The following STRADA variants were observed in gnomAD, a reference collection of about 807,000 sequenced individuals.
STRADA encodes STE20-related kinase adapter protein alpha.
A neutral mutation model predicts 55.0 loss-of-function variants in STRADA; 26 were observed. The ratio of observed to expected loss-of-function variants is 0.47; its 90% confidence interval spans 0.35 to 0.66. The LOEUF (loss-of-function observed/expected upper bound fraction) is 0.66. STRADA is among the 30% of genes least tolerant of loss of function. STRADA has a pLI of 0.01. For missense variants in STRADA, 443 were observed against 549.7 expected (o/e 0.81, Z 1.94); for synonymous variants, 197 against 210.9 (o/e 0.93, Z 0.57).
chr17:63,740,745 A>G (rs2038882330), intron 1 of STRADA, among the ~76,000 whole-genome samples: 1 of 152,194 alleles, frequency 6.6e-6, no homozygotes, highest in East Asian at 1.9e-4. Context: ...CGCTCTAAAA[A>G]CCAGAGTAAA....
intron 1 of STRADA, among the ~76,000 whole-genome samples, chr17:63,735,613 G>T (rs2144292253): frequency 6.6e-6 from 1 of 152,262 alleles, no homozygotes; most frequent in East Asian, 1.9e-4. Context: ...TAAGGCAAAG[G>T]AATACAAATA....
chr17:63,714,209 AAC>A (rs756942551), intron 4 of STRADA, 101 bp from the exon 5 acceptor site: 9 of 797,676 alleles, frequency 1.1e-5, no homozygotes, highest in Middle Eastern at 2.3e-4. Context: ...CTGGCATCTA[AAC>A]ACACACACAA....
At chr17:63,707,527 T>C in intron 8 of STRADA, 109 bp from the exon 9 acceptor site, 1 of 964,196 alleles carries the variant, frequency 1.0e-6, no homozygotes, top group Non-Finnish European at 1.6e-6. Context: ...GCGTGTGTTA[T>C]ACACGTATAT....
At position 63,730,691 on chromosome 17, in the gene STRADA, G is replaced by A. The variant is rs539970268; in HGVS notation, c.-44-2278C>T. Among the ~76,000 whole-genome samples the A allele has an allele frequency of 8.8e-4, 133 of 151,966 alleles. 2 individuals carry two copies. The highest frequency in any genetic ancestry group is 3.1e-3 in the African/African-American group (129 of 41,466). ...CTGGCTTCAGCCTCCCGAGTTACTG[G>A]GACTATAGGTACGCGCACCACTACA... On this transcript the variant is annotated intron_variant, in intron 1 of 12. Coordinates refer to ENST00000336174, the MANE Select transcript of STRADA (RefSeq NM_001003787.4).
At chr17:63,729,161 A>G (rs1178001634) in intron 1 of STRADA, among the ~76,000 whole-genome samples, 1 of 152,098 alleles carries the variant, frequency 6.6e-6, no homozygotes, top group Admixed American at 6.6e-5. Flanking sequence ...GGGGGTTACC[A>G]CGTGAGCCAC....
chr17:63,705,506 C>G (rs1430218717), intron 10 of STRADA: 1 of 157,834 alleles, frequency 6.3e-6, no homozygotes, highest in African/African-American at 2.4e-5. Flanking sequence ...CCATACCCAC[C>G]TAACTGAGCT....
rs776856899 is a variant in STRADA at position 63,710,603 on chromosome 17, C to A, written c.469G>T (p.Asp157Tyr). 8.7e-6 allele frequency: 14 copies of A among 1,613,938 alleles called. No individual in the cohort carries two copies. Among genetic ancestry groups the A allele is most frequent in the Non-Finnish European group, 1.2e-5 (14 of 1,179,958 alleles). ...TSFMAYGSAKDLICTHFMDGM... is the reference protein window; with the variant it reads ...TSFMAYGSAKYLICTHFMDGM... ...TCCATGAAGTGTGTACAGATGAGAT[C>A]TTTTGCAGAACCTGCAGAAAAGGAT... is the stretch of plus-strand genomic sequence containing the variant. Residue 157 changes from aspartate (D) to tyrosine (Y), a missense_variant, in exon 8 of 13, where the codon GAT (aspartate) becomes TAT (tyrosine). Asp to Tyr is a radical substitution (Grantham distance 160). Transcript: ENST00000336174.
intron 1 of STRADA, among the ~76,000 whole-genome samples, chr17:63,729,741 G>C (rs571648632): frequency 6.6e-6 from 1 of 151,410 alleles, no homozygotes; most frequent in African/African-American, 2.4e-5. Context: ...GTGAGCCAAG[G>C]TCGCGCCACT....
Position 63,704,500 on chromosome 17 carries a change from G to C in STRADA, c.941C>G (p.Pro314Arg). Residue 314 changes from proline to arginine, a missense_variant, in exon 11 of 13, where the codon CCT becomes CGT. Pro to Arg is a moderately radical substitution (Grantham distance 103). Coordinates refer to ENST00000336174, the MANE Select transcript of STRADA (RefSeq NM_001003787.4). ...TIPAEELTMS[P>R]SRSVANSGLS... The stretch of plus-strand genomic sequence containing the variant: ...GCCAGAGTTGGCCACTGAGCGCGAA[G>C]GGCTCATGGTCAGCTCCTCAGCGGG... The C allele has an allele frequency of 6.2e-7, 1 of 1,611,670 alleles. No homozygotes were observed. The highest frequency in any genetic ancestry group is 8.5e-7 in the Non-Finnish European group (1 of 1,178,824).
rs1290271750 is a variant in STRADA at position 63,723,302 on chromosome 17, C to T, written c.119G>A (p.Arg40Lys). The stretch of plus-strand genomic sequence containing the variant: ...AGGGCCTAGGAAGCCACTTACTTTT[C>T]TCCGAGTGTCACCCGGAGGCTGCTC... ...FGEQPPGDTR[R>K]KTNDASSESI... The change falls in exon 4 of 13, where the codon AGA (arginine) becomes AAA (lysine). Residue 40 changes from arginine (R) to lysine (K), a missense_variant. Physicochemically the swap from Arg to Lys is conservative, Grantham distance 26 (BLOSUM62 2). Coordinates refer to ENST00000336174, the MANE Select transcript of STRADA (RefSeq NM_001003787.4). 3 of 1,614,108 alleles carry T rather than the reference C, an allele frequency of 1.9e-6. No individual in the cohort carries two copies. The highest frequency in any genetic ancestry group is 2.7e-5 in the African/African-American group (2 of 74,934).
At position 63,703,934 on chromosome 17, in the gene STRADA, G is replaced by C. The variant is rs1353353745; in HGVS notation, c.1143+71C>G. 1.1e-5 allele frequency: 17 copies of C among 1,608,860 alleles called. No homozygotes were observed. The East Asian group carries it at 3.8e-4, about 36-fold the overall frequency. On this transcript the variant is annotated intron_variant, in intron 12 of 12. Transcript: ENST00000336174. ...TTCTCTCATTCAAAGGGAGGGGAGA[G>C]AAAGCTAAAGGGATTGTGAGTTGTT...
In STRADA at chr17:63,710,559, C is replaced by A. The variant is rs779411398; in HGVS notation, c.513G>T (p.Ala171=). The change falls in exon 8 of 13, where the codon GCG becomes GCT. Residue 171 remains alanine, a synonymous_variant. Coordinates refer to ENST00000336174, the MANE Select transcript of STRADA (RefSeq NM_001003787.4). The part of the protein sequence containing the change: ...THFMDGMNEL[A]IAYILQGVLK... ...GCACCCCCTGCAGGATGTAAGCAAT[C>A]GCCAGCTCATTCATGCCATCCATGA... 2.5e-6 allele frequency: 4 copies of A among 1,613,976 alleles called. No homozygotes were observed. Among genetic ancestry groups the A allele is most frequent in the Non-Finnish European group, 3.4e-6 (4 of 1,179,902 alleles).
intron 3 of STRADA, chr17:63,723,540 G>C: frequency 3.5e-6 from 2 of 572,174 alleles, no homozygotes; most frequent in Non-Finnish European, 6.3e-6. Flanking sequence ...TGGATCTATG[G>C]TTCTTCAAAA....
rs1243400995 is a variant in STRADA, at chr17:63,704,394, G to C, written c.1047C>G (p.Ser349=). ...GCTCCACAAAGTGGTGGAAGTGGGG[G>C]GAGAAGGTTCGGTGGTAGGGGTGGG... ...SPSHPYHRTF[S]PHFHHFVEQC... The change falls in exon 11 of 13, where the codon TCC becomes TCG. Residue 349 remains serine (S), a synonymous_variant. Coordinates refer to ENST00000336174, the MANE Select transcript of STRADA (RefSeq NM_001003787.4). 2 of 1,612,718 alleles carry C rather than the reference G, an allele frequency of 1.2e-6. No homozygotes were observed. Among genetic ancestry groups the C allele is most frequent in the African/African-American group, 2.7e-5 (2 of 74,902 alleles).
rs1402024184 is a variant in STRADA, at chr17:63,713,289, A to C, written c.348+117T>G. The C allele has an allele frequency of 2.1e-6, 3 of 1,410,828 alleles. No individual in the cohort carries two copies. In the African/African-American group the frequency reaches 4.3e-5, roughly 20 times the overall value. 87.4% of individuals were successfully genotyped at this position (1,410,828 alleles called of 1,614,324 possible). The stretch of plus-strand genomic sequence containing the variant: ...GCCAAATGGCCAGGATTCTCCACTG[A>C]AAGCTTCCATAACTTCCGAACGTTT... On this transcript the variant is annotated intron_variant, in intron 6 of 12. Coordinates refer to ENST00000336174, the MANE Select transcript of STRADA (RefSeq NM_001003787.4).
rs372048339 is a variant in STRADA at position 63,720,492 on chromosome 17, G to A, written c.123+2806C>T. On this transcript the variant is annotated intron_variant, in intron 4 of 12. Coordinates refer to ENST00000336174, the MANE Select transcript of STRADA (RefSeq NM_001003787.4). Reference sequence around the variant, plus strand: ...TGGCCTTTAGAAAATAAAGTTCTGGGGGCTGGGCGAGGTGGCTCACACCTG... The same window carrying A: ...TGGCCTTTAGAAAATAAAGTTCTGGAGGCTGGGCGAGGTGGCTCACACCTG... 2.8e-4 allele frequency among the ~76,000 whole-genome samples: 43 copies of A among 151,854 alleles called. No homozygotes were observed. The East Asian group carries it at 4.2e-3, about 15-fold the overall frequency.
At chr17:63,715,642 A>C (rs2036821949) in intron 4 of STRADA, 1 of 152,086 alleles carries the variant, frequency 6.6e-6, no homozygotes, top group Non-Finnish European at 1.5e-5. Flanking sequence ...AAAACAGTTG[A>C]TGCTGCTGAT....
chr17:63,709,009 TA>T (rs1428315338), intron 8 of STRADA, among the ~76,000 whole-genome samples: 4 of 152,244 alleles, frequency 2.6e-5, no homozygotes, highest in Non-Finnish European at 5.9e-5. Flanking sequence ...TCTTTTCTTC[TA>T]ATTGTCACCT....
chr17:63,720,203 C>T (rs2037201860), intron 4 of STRADA, among the ~76,000 whole-genome samples: 1 of 150,428 alleles, frequency 6.6e-6, no homozygotes. Context: ...GGGACAGAGT[C>T]TCACTCTGTC....
Sources: allele counts gnomAD v4.1 joint callset (sites outside exome capture counted in the v4.1 genomes callset), GRCh38; gene constraint gnomAD v4.1.1; transcripts MANE v1.5; gene names NCBI Gene and HGNC (gene_info 2026-07-23, HGNC 2026-07-21).